Variants in NELL2 observed in about 807,000 individuals in gnomAD.
NELL2 encodes the protein neural EGFL like 2, also known as protein kinase C-binding protein NELL2.
NELL2 carries 41 observed loss-of-function variants against 109.6 expected under a neutral mutation model. The observed-to-expected ratio is 0.37, with a 90% CI of 0.29 to 0.49. The LOEUF (loss-of-function observed/expected upper bound fraction) is 0.49, where lower values mean the gene tolerates loss of function less well. Ranked by LOEUF, NELL2 falls within the 20% of genes least tolerant of loss-of-function variation. The pLI is 0.98. For missense variants in NELL2, 900 were observed against 1,008.3 expected (o/e 0.89, Z 1.45); for synonymous variants, 355 against 344.7 (o/e 1.03, Z -0.33).
intron 1 of NELL2, among the ~76,000 whole-genome samples, chr12:44,911,197 G>A (rs1945775770): frequency 6.6e-6 from 1 of 151,910 alleles, no homozygotes; most frequent in Non-Finnish European, 1.5e-5. Flanking sequence ...ACAAATGTGG[G>A]AGCAGGAGGA....
chr12:44,838,937 A>G (rs1944137248), intron 2 of NELL2, among the ~76,000 whole-genome samples: 1 of 152,220 alleles, frequency 6.6e-6, no homozygotes, highest in South Asian at 2.1e-4. Flanking sequence ...TTGAACTACA[A>G]CATTTTCTTC....
At chr12:44,532,242 A>T (rs894820067) in intron 16 of NELL2, among the ~76,000 whole-genome samples, 8 of 151,988 alleles carry the variant, frequency 5.3e-5, no homozygotes, top group African/African-American at 1.7e-4. Context: ...TGCTTTTCTC[A>T]TGTATTTTTG....
At chr12:44,726,612 TACTTAA>T (rs1939095239) in intron 9 of NELL2, among the ~76,000 whole-genome samples, 1 of 152,204 alleles carries the variant, frequency 6.6e-6, no homozygotes, top group Non-Finnish European at 1.5e-5. Context: ...AGATGTGTTA[TACTTAA>T]ACTTGAATAT....
At chr12:44,707,303 T>A (rs1013879154) in intron 11 of NELL2, among the ~76,000 whole-genome samples, 1 of 152,144 alleles carries the variant, frequency 6.6e-6, no homozygotes, top group Non-Finnish European at 1.5e-5. Flanking sequence ...ATTCAGTGTA[T>A]GAGAATGCTG....
intron 13 of NELL2, among the ~76,000 whole-genome samples, chr12:44,631,190 C>A (rs1033682156): frequency 1.3e-5 from 2 of 149,528 alleles, no homozygotes; most frequent in Admixed American, 6.7e-5. Flanking sequence ...TCTTCTCTAA[C>A]ATATAAAGGT....
intron 15 of NELL2, among the ~76,000 whole-genome samples, chr12:44,594,141 G>C (rs1381330609): frequency 2.6e-5 from 4 of 152,032 alleles, no homozygotes; most frequent in East Asian, 1.9e-4. Context: ...GGGCCTGTTG[G>C]GGGTGGCGGG....
chr12:44,557,777 G>T (rs1050928430), intron 15 of NELL2, among the ~76,000 whole-genome samples: 15 of 152,148 alleles, frequency 9.9e-5, no homozygotes, highest in Non-Finnish European at 1.3e-4. Flanking sequence ...TAAATGAGAG[G>T]ATGGAATTGT....
intron 9 of NELL2, among the ~76,000 whole-genome samples, chr12:44,732,535 C>G (rs917125832): frequency 6.6e-6 from 1 of 152,072 alleles, no homozygotes; most frequent in African/African-American, 2.4e-5. Context: ...CTATCTTACA[C>G]CATGCACAAA....
intron 12 of NELL2, among the ~76,000 whole-genome samples, chr12:44,683,011 G>C (rs1410146748): frequency 1.3e-5 from 2 of 152,178 alleles, no homozygotes; most frequent in Admixed American, 6.5e-5. Flanking sequence ...ACCTTGGGCA[G>C]TATGGCCATT....
At chr12:44,740,057 T>C (rs2136494223) in intron 9 of NELL2, among the ~76,000 whole-genome samples, 1 of 152,314 alleles carries the variant, frequency 6.6e-6, no homozygotes, top group South Asian at 2.1e-4. Context: ...TGTCTCGCCC[T>C]TTACAGAACA....
chr12:44,529,875 A>C (rs1183056270), intron 16 of NELL2, among the ~76,000 whole-genome samples: 1 of 152,202 alleles, frequency 6.6e-6, no homozygotes, highest in East Asian at 1.9e-4. Flanking sequence ...TCTAAAGGGG[A>C]CAGAAAATTG....
At chr12:44,895,757 C>T (rs543638330) in intron 1 of NELL2, among the ~76,000 whole-genome samples, 2 of 152,206 alleles carry the variant, frequency 1.3e-5, no homozygotes, top group African/African-American at 2.4e-5. Flanking sequence ...ACCACTACCA[C>T]CACCCCAGGG....
chr12:44,895,166 C>T (rs1945579044), intron 1 of NELL2, among the ~76,000 whole-genome samples: 1 of 152,138 alleles, frequency 6.6e-6, no homozygotes, highest in African/African-American at 2.4e-5. Context: ...TCAGACTTTC[C>T]TTTCAACACT....
chr12:44,603,527 G>A (rs1404461249), intron 15 of NELL2, among the ~76,000 whole-genome samples: 1 of 152,086 alleles, frequency 6.6e-6, no homozygotes, highest in Non-Finnish European at 1.5e-5. Context: ...CATAGCTTCA[G>A]CTTTCTAATA....
At chr12:44,509,638 G>C (rs539731526) in intron 19 of NELL2, among the ~76,000 whole-genome samples, 1 of 152,268 alleles carries the variant, frequency 6.6e-6, no homozygotes, top group Middle Eastern at 3.4e-3. Context: ...TGTCCTTGGA[G>C]ATACCAGATC....
intron 9 of NELL2, among the ~76,000 whole-genome samples, chr12:44,757,807 G>A (rs953559575): frequency 1.3e-5 from 2 of 152,160 alleles, no homozygotes; most frequent in Non-Finnish European, 2.9e-5. Context: ...CAAATGAACA[G>A]TAAATGTGAA....
At position 44,809,432 on chromosome 12, in the gene NELL2, C is replaced by T. The variant is rs143424362; in HGVS notation, c.335+6554G>A. ...ATAATAATGAGAGAACTCCTTTAAT[C>T]AGCCTGAGTGTCTTAACTCTTTCCA... is the stretch of plus-strand genomic sequence containing the variant. On this transcript the variant is annotated intron_variant, in intron 3 of 19. Transcript: ENST00000429094. 5.2e-3 allele frequency among the ~76,000 whole-genome samples: 793 copies of T among 152,158 alleles called. 4 individuals are homozygous for T. The highest frequency in any genetic ancestry group is 0.018 in the African/African-American group (730 of 41,538).
At chr12:44,771,243 C>T (rs1941536117) in intron 9 of NELL2, among the ~76,000 whole-genome samples, 1 of 152,070 alleles carries the variant, frequency 6.6e-6, no homozygotes, top group Admixed American at 6.6e-5. Context: ...AAGGCAAACT[C>T]TGCTGCCTAA....
chr12:44,628,678 C>T (rs1479261750), intron 13 of NELL2, among the ~76,000 whole-genome samples: 2 of 152,132 alleles, frequency 1.3e-5, no homozygotes, highest in African/African-American at 4.8e-5. Context: ...TATAGCTTTC[C>T]TTCATAGCAC....
Sources: allele counts gnomAD v4.1 joint callset (sites outside exome capture counted in the v4.1 genomes callset), GRCh38; gene constraint gnomAD v4.1.1; transcripts MANE v1.5; gene names NCBI Gene and HGNC (gene_info 2026-07-23, HGNC 2026-07-21).